Variants in FANCC observed in about 807,000 individuals in gnomAD.
The protein encoded by FANCC is Fanconi anemia group C protein.
Under a neutral mutation model 71.3 loss-of-function variants are expected in FANCC, and 55 were observed. That is an observed-to-expected ratio of 0.77 (90% CI 0.62 to 0.97). FANCC has a LOEUF of 0.97. Ranked by LOEUF, FANCC falls within the 50% of genes least tolerant of loss-of-function variation. FANCC has a pLI of 0.00. For missense variants in FANCC, 678 were observed against 670.9 expected, an observed-to-expected ratio of 1.01 and a Z score of -0.12; for synonymous variants, 275 against 244.9, an observed-to-expected ratio of 1.12 and a Z score of -1.15.
intron 6 of FANCC, among the ~76,000 whole-genome samples, chr9:95,161,911 A>C (rs895323776): frequency 1.3e-5 from 2 of 148,236 alleles, no homozygotes; most frequent in African/African-American, 2.5e-5. Context: ...GCACGATCTC[A>C]GCTCACTGCA....
chr9:95,292,812 C>T, intron 1 of FANCC: 1 of 1,575,812 alleles, frequency 6.3e-7, no homozygotes, highest in Non-Finnish European at 8.7e-7. Context: ...TATGAAAATC[C>T]ATGCTGAGAA....
At chr9:95,147,271 A>T (rs1020722802) in intron 7 of FANCC, among the ~76,000 whole-genome samples, 1 of 152,152 alleles carries the variant, frequency 6.6e-6, no homozygotes. Flanking sequence ...TAATCCCAGC[A>T]CTTTGGGAGG....
intron 7 of FANCC, among the ~76,000 whole-genome samples, chr9:95,147,260 G>A (rs893545106): frequency 3.3e-5 from 5 of 152,190 alleles, no homozygotes; most frequent in Non-Finnish European, 1.5e-5. Flanking sequence ...GCTCACGCCT[G>A]TAATCCCAGC....
intron 4 of FANCC, among the ~76,000 whole-genome samples, chr9:95,223,687 T>A (rs1333204269): frequency 1.3e-5 from 2 of 152,134 alleles, no homozygotes; most frequent in Non-Finnish European, 2.9e-5. Context: ...ATAGAAGTAA[T>A]TACTATTAGC....
At chr9:95,292,544 G>C (rs1165656875) in intron 1 of FANCC, 1 of 1,486,736 alleles carries the variant, frequency 6.7e-7, no homozygotes, top group African/African-American at 1.4e-5. Context: ...AGCTGATCCA[G>C]CAGTAGGTGA....
rs1237481707 is a variant in FANCC at position 95,150,081 on chromosome 9, A to G, written c.528T>C (p.Ala176=). The G allele has an allele frequency of 2.5e-6, 4 of 1,614,018 alleles. No individual in the cohort carries two copies. Among genetic ancestry groups the G allele is most frequent in the Non-Finnish European group, 2.5e-6 (3 of 1,180,032 alleles). ...LNGFNTQRRM[A]PERVASLSRV... The stretch of plus-strand genomic sequence containing the variant: ...GTGACAGGGACGCCACTCGCTCGGG[A>G]GCCATTCTATGGAAGAAATAAGAAA... The change falls in exon 7 of 15, where the codon GCT becomes GCC. Residue 176 remains alanine, a synonymous_variant. Transcript: ENST00000289081.
chr9:95,309,951 T>C (rs930722724), intron 1 of FANCC, among the ~76,000 whole-genome samples: 4 of 152,216 alleles, frequency 2.6e-5, no homozygotes, highest in African/African-American at 9.6e-5. Flanking sequence ...TTAAAATCTA[T>C]TGGCTAGAAC....
intron 8 of FANCC, among the ~76,000 whole-genome samples, chr9:95,130,985 T>C (rs1826817735): frequency 6.6e-6 from 1 of 152,214 alleles, no homozygotes; most frequent in South Asian, 2.1e-4. Context: ...AATATCCCTT[T>C]TACATTTTCA....
chr9:95,288,701 C>G (rs1435309408), intron 1 of FANCC, among the ~76,000 whole-genome samples: 2 of 151,868 alleles, frequency 1.3e-5, no homozygotes, highest in East Asian at 3.9e-4. Flanking sequence ...TAATCTGAAT[C>G]CAGTGCTTCT....
chr9:95,170,637 C>CGTGTGTGTGTGTGTGTGTGTGTGTGT lies in FANCC; in HGVS notation c.521+416_521+441dup, dbSNP rs3992109. Reference sequence around the variant, plus strand: ...ACATCAAATGTTGCCTTGTAAATATCGTGTGTGTGTGTGTGTGTGTGTGTG... The same window carrying CGTGTGTGTGTGTGTGTGTGTGTGTGT: ...ACATCAAATGTTGCCTTGTAAATATCGTGTGTGTGTGTGTGTGTGTGTGTGTGTGTGTGTGTGTGTGTGTGTGTGTG... On this transcript the variant is annotated intron_variant, in intron 6 of 14. Transcript: ENST00000289081. Among the ~76,000 whole-genome samples the CGTGTGTGTGTGTGTGTGTGTGTGTGT allele has an allele frequency of 4.7e-4, 59 of 124,290 alleles. 4 individuals carry two copies. The highest frequency in any genetic ancestry group is 7.4e-4 in the Non-Finnish European group (44 of 59,592). The allele number at this position is 124,290 out of a possible 152,430, so 81.5% of individuals were successfully genotyped here. A position where few individuals can be genotyped will look rare whatever the true frequency, so the allele number is the denominator to read the frequency against.
At chr9:95,210,132 C>T (rs925757959) in intron 4 of FANCC, among the ~76,000 whole-genome samples, 2 of 151,972 alleles carry the variant, frequency 1.3e-5, no homozygotes, top group African/African-American at 2.4e-5. Flanking sequence ...ATTTTAGAAA[C>T]AGGAAAAATT....
In FANCC at chr9:95,100,369, G is replaced by A. The variant is rs1588005080; in HGVS notation, c.*1338C>T. 3.9e-5 allele frequency: 9 copies of A among 231,704 alleles called. No homozygotes were observed. In the East Asian group the frequency reaches 5.5e-4, roughly 14 times the overall value. The allele number at this position is 231,704 out of a possible 1,614,324, so 14.4% of individuals were successfully genotyped here. On this transcript the variant is annotated 3_prime_UTR_variant, in exon 15 of 15. Coordinates refer to ENST00000289081, the MANE Select transcript of FANCC (RefSeq NM_000136.3). ...CCTGGAATTTTCCAGATCTTCAGTG[G>A]ATCTATTAGCATTGCCACATACCAA... is the stretch of plus-strand genomic sequence containing the variant.
intron 4 of FANCC, among the ~76,000 whole-genome samples, chr9:95,188,670 G>A (rs1826885704): frequency 6.6e-6 from 1 of 152,222 alleles, no homozygotes; most frequent in Admixed American, 6.5e-5. Context: ...ACACGTCAGT[G>A]TTTGTGTCTG....
At chr9:95,268,044 TG>T (rs1332602055) in intron 1 of FANCC, among the ~76,000 whole-genome samples, 1 of 152,222 alleles carries the variant, frequency 6.6e-6, no homozygotes, top group African/African-American at 2.4e-5. Context: ...ACATCACAGG[TG>T]ACTGAATGGG....
intron 9 of FANCC, among the ~76,000 whole-genome samples, chr9:95,126,173 G>A (rs924935349): frequency 3.3e-5 from 5 of 152,080 alleles, no homozygotes; most frequent in African/African-American, 1.2e-4. Flanking sequence ...TAAAAATATT[G>A]GTCAGCCCTC....
At chr9:95,220,852 G>A (rs1373820300) in intron 4 of FANCC, among the ~76,000 whole-genome samples, 1 of 151,832 alleles carries the variant, frequency 6.6e-6, no homozygotes, top group Non-Finnish European at 1.5e-5. Context: ...ATGTACCCTA[G>A]AACTTAAGGC....
chr9:95,168,307 C>T (rs1226682310), intron 6 of FANCC, among the ~76,000 whole-genome samples: 1 of 152,178 alleles, frequency 6.6e-6, no homozygotes, highest in Non-Finnish European at 1.5e-5. Flanking sequence ...TAAGTGCTTC[C>T]TCCCAATTCT....
At chr9:95,162,191 G>A (rs767536144) in intron 6 of FANCC, among the ~76,000 whole-genome samples, 1 of 152,166 alleles carries the variant, frequency 6.6e-6, no homozygotes, top group East Asian at 1.9e-4. Flanking sequence ...ACACATAAGT[G>A]TAAGTAATCA....
At chr9:95,297,103 C>T (rs1254739309) in intron 1 of FANCC, among the ~76,000 whole-genome samples, 1 of 152,150 alleles carries the variant, frequency 6.6e-6, no homozygotes. Context: ...AAAAAGAGAC[C>T]TGACACTGAG....
Sources: allele counts gnomAD v4.1 joint callset (sites outside exome capture counted in the v4.1 genomes callset), GRCh38; gene constraint gnomAD v4.1.1; transcripts MANE v1.5; gene names NCBI Gene and HGNC (gene_info 2026-07-23, HGNC 2026-07-21).